Variants in CPEB2 observed in about 807,000 individuals in gnomAD.
The protein encoded by CPEB2 is cytoplasmic polyadenylation element-binding protein 2.
In CPEB2, 56 loss-of-function variants were observed where a neutral mutation model predicts 93.6. The ratio of observed to expected loss-of-function variants is 0.60; its 90% CI spans 0.48 to 0.75. The LOEUF is 0.75. CPEB2 is among the 30% of genes least tolerant of loss of function. The pLI is 0.00. For synonymous variants in CPEB2, 764 were observed against 586.3 expected (o/e 1.30, Z -4.38); for missense variants, 1,579 against 1,395.1 (o/e 1.13, Z -2.10).
intron 4 of CPEB2, among the ~76,000 whole-genome samples, chr4:15,018,936 T>TTATATATATATATATATATA (rs56945294): frequency 1.5e-5 from 2 of 133,132 alleles, no homozygotes; most frequent in Admixed American, 7.5e-5. Context: ...AAGGGGAATT[T>TTATATATATATATATATATA]TATATATATA....
chr4:15,005,321 A>G (rs925903176), intron 1 of CPEB2, among the ~76,000 whole-genome samples: 1 of 152,174 alleles, frequency 6.6e-6, no homozygotes, highest in Non-Finnish European at 1.5e-5. Context: ...CTTTCGGTAC[A>G]TTTTTTGGTT....
intron 8 of CPEB2, among the ~76,000 whole-genome samples, chr4:15,056,436 A>C (rs2604580): frequency 0.13 from 20,422 of 152,162 alleles, 2,334 homozygotes; most frequent in South Asian, 0.32. Context: ...ATTTAATGAA[A>C]CAGAATAGTT....
Position 15,004,353 on chromosome 4 carries a change from C to T in CPEB2, c.1662+18C>T. ...ACCACCAGGTACGGCGGGCGGCGGC[C>T]TGGCCGCGCCGCGGGACCGGGAGAC... On this transcript the variant is annotated intron_variant, in intron 1 of 11. Coordinates refer to ENST00000538197, the MANE Select transcript of CPEB2 (RefSeq NM_001177382.2). 7 of 1,424,002 alleles carry T rather than the reference C, an allele frequency of 4.9e-6. No homozygotes were observed. The highest frequency in any genetic ancestry group is 5.5e-6 in the Non-Finnish European group (6 of 1,098,178). 88.2% of individuals were successfully genotyped at this position (1,424,002 alleles called of 1,614,324 possible).
intron 4 of CPEB2, among the ~76,000 whole-genome samples, chr4:15,028,487 T>C (rs1176072698): frequency 6.6e-6 from 1 of 152,154 alleles, no homozygotes; most frequent in Non-Finnish European, 1.5e-5. Context: ...TATTATATGC[T>C]ACGCTTTGTT....
At chr4:15,038,911 C>G (rs532231681) in intron 5 of CPEB2, among the ~76,000 whole-genome samples, 8 of 152,222 alleles carry the variant, frequency 5.3e-5, no homozygotes, top group African/African-American at 9.6e-5. Context: ...CTTGATCACT[C>G]TATTAAAATT....
Position 15,002,895 on chromosome 4 carries a change from C to G in CPEB2, c.222C>G (p.Gly74=). Reference sequence around the variant, plus strand: ...CCGTCCCCCTCGGCGGCGGCGCGGGCAGCCCGGCCGCCGCCGCTTCCTCTT... The same window carrying G: ...CCGTCCCCCTCGGCGGCGGCGCGGGGAGCCCGGCCGCCGCCGCTTCCTCTT... The part of the protein sequence containing the change: ...PFSVPLGGGA[G]SPAAAASSSS... Residue 74 remains glycine (G), a synonymous_variant, in exon 1 of 12, where the codon GGC becomes GGG. Coordinates refer to ENST00000538197, the MANE Select transcript of CPEB2 (RefSeq NM_001177382.2). 6.6e-7 allele frequency: 1 copy of G among 1,513,784 alleles called. No homozygotes were observed. 93.8% of individuals were successfully genotyped at this position (1,513,784 alleles called of 1,614,324 possible).
chr4:15,038,287 T>C (rs569849276), intron 5 of CPEB2, among the ~76,000 whole-genome samples: 1 of 152,360 alleles, frequency 6.6e-6, no homozygotes, highest in South Asian at 2.1e-4. Context: ...TAGCCTCAGC[T>C]AAGAACATAA....
At chr4:15,048,117 T>G (rs1289772418) in intron 6 of CPEB2, among the ~76,000 whole-genome samples, 1 of 152,060 alleles carries the variant, frequency 6.6e-6, no homozygotes, top group South Asian at 2.1e-4. Context: ...TTATCTATAC[T>G]TCTGGATTCA....
chr4:15,011,240 A>G (rs1056304655), intron 3 of CPEB2, among the ~76,000 whole-genome samples: 1 of 150,740 alleles, frequency 6.6e-6, no homozygotes, highest in Non-Finnish European at 1.5e-5. Context: ...AGCTGTGATT[A>G]CATGCATGCA....
intron 1 of CPEB2, 26 bp from the exon 2 acceptor site, chr4:15,007,279 A>G (rs754133361): frequency 7.1e-7 from 1 of 1,409,006 alleles, no homozygotes; most frequent in East Asian, 2.5e-5. Context: ...TAAATGCCGC[A>G]ATTTAAATAG....
Position 15,003,916 on chromosome 4 carries a change from C to A in CPEB2, c.1243C>A (p.Pro415Thr). Residue 415 changes from proline to threonine, a missense_variant, in exon 1 of 12, where the codon CCG (proline) becomes ACG (threonine). Pro to Thr is a conservative substitution (Grantham distance 38). This residue lies in a region of CPEB2 where 1,411 missense variants were observed against 1,056.0 expected (regional missense o/e 1.34). Transcript: ENST00000538197. ...QPPPPQQPPQ[P>T]QPQPPGSSAT... Reference sequence around the variant, plus strand: ...GCCGCCACCCCAGCAGCCGCCCCAGCCGCAGCCGCAGCCGCCCGGCTCGTC... The same window carrying A: ...GCCGCCACCCCAGCAGCCGCCCCAGACGCAGCCGCAGCCGCCCGGCTCGTC... The A allele has an allele frequency of 9.8e-7, 1 of 1,016,290 alleles. No individual in the cohort carries two copies. The highest frequency in any genetic ancestry group is 1.3e-6 in the Non-Finnish European group (1 of 783,832). 63.0% of individuals were successfully genotyped at this position (1,016,290 alleles called of 1,614,324 possible). A position where few individuals can be genotyped will look rare whatever the true frequency, so the allele number is the denominator to read the frequency against.
chr4:15,062,001 C>G (rs1213702670), intron 10 of CPEB2, 78 bp from the exon 11 acceptor site: 3 of 1,302,330 alleles, frequency 2.3e-6, no homozygotes, highest in Non-Finnish European at 3.2e-6. Context: ...TTGACTTTTA[C>G]GTTTTACAAA....
intron 6 of CPEB2, among the ~76,000 whole-genome samples, chr4:15,050,241 T>C (rs753858577): frequency 2.6e-5 from 4 of 152,118 alleles, no homozygotes; most frequent in Non-Finnish European, 5.9e-5. Flanking sequence ...GTGAACCCTA[T>C]TGTGAACTGC....
intron 4 of CPEB2, 169 bp downstream of exon 4, chr4:15,017,447 T>G (rs1724302977): frequency 2.2e-6 from 1 of 450,208 alleles, no homozygotes; most frequent in East Asian, 3.5e-5. Context: ...ATTTTTCCTT[T>G]GTTGCTTAAT....
intron 4 of CPEB2, among the ~76,000 whole-genome samples, chr4:15,020,584 A>G (rs1040342002): frequency 7.2e-5 from 11 of 152,060 alleles, no homozygotes; most frequent in African/African-American, 2.4e-4. Context: ...GGGAACCTCC[A>G]TTGTTTAATG....
chr4:15,003,753 G>GCCC lies in CPEB2; in HGVS notation c.1083_1085dup (p.Pro362dup). 2 of 1,203,608 alleles carry GCCC rather than the reference G, an allele frequency of 1.7e-6. No individual in the cohort carries two copies. The highest frequency in any genetic ancestry group is 3.3e-5 in the African/African-American group (2 of 60,380). 74.6% of individuals were successfully genotyped at this position (1,203,608 alleles called of 1,614,324 possible). On this transcript the variant is annotated inframe_insertion, in exon 1 of 12. Transcript: ENST00000538197. Reference sequence around the variant, plus strand: ...GCGGCGGCGGCGGCGGGGGCGGGGGGCCCCCAGGAGGCGGAGGGGGAGGCG... The same window carrying GCCC: ...GCGGCGGCGGCGGCGGGGGCGGGGGGCCCCCCCCAGGAGGCGGAGGGGGAGGCG...
At chr4:15,041,741 T>G (rs1301368956) in intron 6 of CPEB2, among the ~76,000 whole-genome samples, 1 of 152,168 alleles carries the variant, frequency 6.6e-6, no homozygotes, top group African/African-American at 2.4e-5. Context: ...GTCATGAATG[T>G]GTGTACTTTT....
Position 15,002,932 on chromosome 4 carries a change from C to G in CPEB2, c.259C>G (p.Leu87Val). The G allele has an allele frequency of 6.6e-7, 1 of 1,516,606 alleles. No homozygotes were observed. Among genetic ancestry groups the G allele is most frequent in the Non-Finnish European group, 8.8e-7 (1 of 1,141,926 alleles). 93.9% of individuals were successfully genotyped at this position (1,516,606 alleles called of 1,614,324 possible). The change falls in exon 1 of 12, where the codon CTG becomes GTG. Residue 87 changes from leucine (L) to valine (V), a missense_variant. Coordinates refer to ENST00000538197, the MANE Select transcript of CPEB2 (RefSeq NM_001177382.2). The stretch of plus-strand genomic sequence containing the variant: ...CGCCGCTTCCTCTTCCTCCCCGTTC[C>G]TGGCGCATCAGCAGACCATGCAGGA... Reference protein sequence around the residue: ...AAAASSSSPFLAHQQTMQDEL... With the variant: ...AAAASSSSPFVAHQQTMQDEL...
At chr4:15,040,362 A>C (rs112704893) in intron 5 of CPEB2, 102 bp from the exon 6 acceptor site, 1 of 1,051,300 alleles carries the variant, frequency 9.5e-7, no homozygotes, top group East Asian at 2.6e-5. Flanking sequence ...AAGTAGCACT[A>C]ATTTTCAGAT....
Sources: gnomAD v4.1 joint callset for allele counts (sites outside exome capture counted in the v4.1 genomes callset) on GRCh38, gnomAD v4.1.1 for gene constraint, gnomAD v4.1.1 regional missense constraint, MANE v1.5 for transcripts, NCBI Gene and HGNC (gene_info 2026-07-23, HGNC 2026-07-21) for gene names.